KIF1B: variants seen among roughly 807,000 people sequenced by gnomAD.
KIF1B encodes the protein kinesin family member 1B.
KIF1B carries 76 observed loss-of-function variants against 241.9 expected under a neutral mutation model. The observed-to-expected ratio is 0.31, with a 90% CI of 0.26 to 0.38. The LOEUF is 0.38. Ranked by LOEUF, KIF1B falls within the 10% of genes least tolerant of loss-of-function variation. KIF1B has a pLI of 1.00. For synonymous variants in KIF1B, 750 were observed against 796.7 expected, an observed-to-expected ratio of 0.94 and a Z score of 0.99; for missense variants, 1,622 against 2,271.4, an observed-to-expected ratio of 0.71 and a Z score of 5.81.
chr1:10,283,137 G>C (rs1485761857), intron 15 of KIF1B, among the ~76,000 whole-genome samples: 2 of 150,304 alleles, frequency 1.3e-5, no homozygotes, highest in African/African-American at 4.9e-5. Context: ...AACCCAGGAG[G>C]CGGAGCTTGC....
chr1:10,277,898 G>C lies in KIF1B; in HGVS notation c.1038-88G>C, dbSNP rs1298301173. On this transcript the variant is annotated intron_variant, in intron 12 of 48. Transcript: ENST00000676179. ...AGGCTCATAAAATGTAAACACTCAG[G>C]ATATTTGATTTAGAGATAATAGTAT... is the stretch of plus-strand genomic sequence containing the variant. 7 of 1,162,710 alleles carry C rather than the reference G, an allele frequency of 6.0e-6. No homozygotes were observed. In the African/African-American group the frequency reaches 1.1e-4, roughly 18 times the overall value. The allele number at this position is 1,162,710 out of a possible 1,614,324, so 72.0% of individuals were successfully genotyped here.
At chr1:10,250,002 G>A (rs140444181) in intron 2 of KIF1B, among the ~76,000 whole-genome samples, 1 of 152,156 alleles carries the variant, frequency 6.6e-6, no homozygotes, top group Non-Finnish European at 1.5e-5. Flanking sequence ...GTGGAGATGG[G>A]GTCTCACTAT....
chr1:10,303,573 C>T lies in KIF1B; in HGVS notation c.2115+6327C>T, dbSNP rs372017998. ...TGGCCAGGGACGTCTGGGATACCGT[C>T]GGTGTTGGGGATGAGAAGATCGAAG... On this transcript the variant is annotated intron_variant, in intron 22 of 48. Transcript: ENST00000676179. The surrounding 1 kb of genome is among the most constrained non-coding windows in gnomAD (Gnocchi z 5.2). 41 of 1,614,042 alleles carry T rather than the reference C, an allele frequency of 2.5e-5. No individual in the cohort carries two copies. The African/African-American group carries it at 4.1e-4, about 16-fold the overall frequency.
intron 2 of KIF1B, among the ~76,000 whole-genome samples, chr1:10,232,839 A>G (rs1647000148): frequency 6.6e-6 from 1 of 152,218 alleles, no homozygotes; most frequent in South Asian, 2.1e-4. Flanking sequence ...AGAACTTTTC[A>G]GTGATTCTTT....
At chr1:10,292,223 T>C (rs1295669217) in intron 17 of KIF1B, 101 bp downstream of exon 17, 1 of 855,544 alleles carries the variant, frequency 1.2e-6, no homozygotes, top group Admixed American at 1.9e-5. Flanking sequence ...CTCCCCCTTA[T>C]TATCTTGATA....
chr1:10,306,522 G>A (rs903881212), intron 22 of KIF1B: 56 of 716,386 alleles, frequency 7.8e-5, no homozygotes, highest in Middle Eastern at 5.9e-4. Flanking sequence ...GAAGCAGGAG[G>A]ATCCCTAGAG....
In KIF1B at chr1:10,337,778, C is replaced by T. The variant is rs905683490; in HGVS notation, c.3422+245C>T. ...TCCTGCTGCAGGGCTCTGCTGTGAG[C>T]GGTCCCCCTTTACCAGGAATGTAGG... On this transcript the variant is annotated intron_variant, in intron 31 of 48. Coordinates refer to ENST00000676179, the MANE Select transcript of KIF1B (RefSeq NM_001365951.3). This position sits in a 1 kb window ranked among gnomAD's most constrained non-coding sequence, Gnocchi z 4.0. Among the ~76,000 whole-genome samples, 5 of 152,182 alleles carry T rather than the reference C, an allele frequency of 3.3e-5. No homozygotes were observed. Among genetic ancestry groups the T allele is most frequent in the East Asian group, 3.8e-4 (2 of 5,202 alleles).
intron 44 of KIF1B, among the ~76,000 whole-genome samples, chr1:10,368,894 G>A (rs12131441): frequency 0.33 from 49,887 of 151,462 alleles, 8,330 homozygotes; most frequent in Middle Eastern, 0.38. Context: ...AAGTTTTATT[G>A]ACTTCAACAA....
At chr1:10,317,250 G>A (rs1651341704) in intron 22 of KIF1B, among the ~76,000 whole-genome samples, 1 of 151,474 alleles carries the variant, frequency 6.6e-6, no homozygotes, top group South Asian at 2.1e-4. Context: ...CCTTCTTTCA[G>A]TATCACCATG....
intron 28 of KIF1B, 103 bp from the exon 29 acceptor site, chr1:10,336,554 C>A: frequency 1.1e-6 from 1 of 896,528 alleles, no homozygotes; most frequent in Non-Finnish European, 1.9e-6. Context: ...TGGTATCATT[C>A]TCTCATGCCA....
rs1377190435 is a variant in KIF1B at position 10,248,063 on chromosome 1, G to A, written c.107-8184G>A. ...TCCTAATAGGCCATGGACAGTACCG[G>A]TCTCTGGCCCAGGGGTGGGGCCCCC... On this transcript the variant is annotated intron_variant, in intron 2 of 48. Transcript: ENST00000676179. Among the ~76,000 whole-genome samples the A allele has an allele frequency of 5.3e-5, 8 of 152,318 alleles. No homozygotes were observed. In the South Asian group the frequency reaches 1.4e-3, roughly 28 times the overall value.
intron 31 of KIF1B, 69 bp from the exon 32 acceptor site, chr1:10,339,700 C>T: frequency 7.8e-7 from 1 of 1,278,794 alleles, no homozygotes; most frequent in Non-Finnish European, 1.1e-6. Flanking sequence ...CCACATTGGG[C>T]TCTTGAAAGA....
Position 10,374,924 on chromosome 1 carries a change from G to T in KIF1B, c.5167G>T (p.Val1723Phe). ...TTACAGTAACTGGGCTAAACATTTT[G>T]TTGTCGTCCGTCGGCCTTATGTCTT... ...PLYSNWAKHF[V>F]VVRRPYVFIY... Residue 1723 changes from valine (V) to phenylalanine (F), a missense_variant, in exon 47 of 49, where the codon GTT becomes TTT. Val to Phe is a conservative substitution (Grantham distance 50, BLOSUM62 -1). Transcript: ENST00000676179. This position sits in a 1 kb window ranked among gnomAD's most constrained non-coding sequence, Gnocchi z 4.3. 6 of 1,611,526 alleles carry T rather than the reference G, an allele frequency of 3.7e-6. No homozygotes were observed. The highest frequency in any genetic ancestry group is 5.1e-6 in the Non-Finnish European group (6 of 1,178,512).
chr1:10,277,281 T>TAA (rs561759889), intron 12 of KIF1B, among the ~76,000 whole-genome samples: 2 of 141,542 alleles, frequency 1.4e-5, no homozygotes, highest in African/African-American at 5.2e-5. Flanking sequence ...CTCTGTCTCT[T>TAA]AAAAAAAAAA....
chr1:10,265,690 A>AT (rs914157247), intron 5 of KIF1B, among the ~76,000 whole-genome samples: 9 of 151,836 alleles, frequency 5.9e-5, no homozygotes, highest in Non-Finnish European at 1.0e-4. Context: ...GCAAAAAAAA[A>AT]TTTTTTTTAA....
rs544843333 is a variant in KIF1B at position 10,218,710 on chromosome 1, G to A, written c.-80+7832G>A. ...TGTTGGGATTATACGCGTGAGCCAC[G>A]ATGCCCAGCCGATCTTTATGTAACT... On this transcript the variant is annotated intron_variant, in intron 1 of 48. Transcript: ENST00000676179. Among the ~76,000 whole-genome samples the A allele has an allele frequency of 5.3e-5, 8 of 152,204 alleles. No homozygotes were observed. In the East Asian group the frequency reaches 1.4e-3, roughly 26 times the overall value.
chr1:10,369,855 C>T (rs149081836), intron 44 of KIF1B, among the ~76,000 whole-genome samples: 5,524 of 151,522 alleles, frequency 0.036, 345 homozygotes, highest in African/African-American at 0.13. Context: ...TCGCTTGAAC[C>T]TGGGAGGTGG....
intron 22 of KIF1B, among the ~76,000 whole-genome samples, chr1:10,312,392 ATTC>A (rs941771941): frequency 2.0e-5 from 3 of 151,494 alleles, no homozygotes; most frequent in African/African-American, 2.5e-5. Flanking sequence ...CCTCATGACC[ATTC>A]TTCTTATTTC....
At position 10,291,927 on chromosome 1, in the gene KIF1B, T is replaced by A. The variant is rs939137794; in HGVS notation, c.1515-120T>A. 5.1e-6 allele frequency: 4 copies of A among 785,238 alleles called. No individual in the cohort carries two copies. The East Asian group carries it at 9.9e-5, about 19-fold the overall frequency. The allele number at this position is 785,238 out of a possible 1,614,324, so 48.6% of individuals were successfully genotyped here. On this transcript the variant is annotated intron_variant, in intron 16 of 48. Coordinates refer to ENST00000676179, the MANE Select transcript of KIF1B (RefSeq NM_001365951.3). Reference sequence around the variant, plus strand: ...ATAAGCACATTATTTTATGTTTGCATTATTGGCTATAAACATGGCCAGTTG... The same window carrying A: ...ATAAGCACATTATTTTATGTTTGCAATATTGGCTATAAACATGGCCAGTTG...
Sources: allele counts gnomAD v4.1 joint callset (sites outside exome capture counted in the v4.1 genomes callset), GRCh38; gene constraint gnomAD v4.1.1; non-coding constraint Gnocchi (gnomAD v3.1); transcripts MANE v1.5; gene names NCBI Gene and HGNC (gene_info 2026-07-23, HGNC 2026-07-21).